Variants in CAMKK1 observed in about 807,000 individuals in gnomAD.
CAMKK1 encodes calcium/calmodulin-dependent protein kinase kinase 1.
In CAMKK1, 20 loss-of-function variants were observed where a neutral mutation model predicts 63.5. The ratio of observed to expected loss-of-function variants is 0.32; its 90% confidence interval spans 0.22 to 0.46. CAMKK1 has a LOEUF of 0.46. Among genes scored for constraint, CAMKK1 ranks in the 20% least tolerant of loss-of-function variants. CAMKK1 has a pLI of 1.00. For synonymous variants in CAMKK1, 253 were observed against 269.0 expected (o/e 0.94, Z 0.58); for missense variants, 588 against 658.1 (o/e 0.89, Z 1.17).
In CAMKK1 at chr17:3,887,203, C is replaced by G. The variant is rs1032449497; in HGVS notation, c.-43-1473G>C. 2.0e-5 allele frequency among the ~76,000 whole-genome samples: 3 copies of G among 152,144 alleles called. No homozygotes were observed. Among genetic ancestry groups the G allele is most frequent in the African/African-American group, 7.2e-5 (3 of 41,432 alleles). Reference sequence around the variant, plus strand: ...TTCCCGACTCTGAGCCCCAGTCTCCCGACTTGTCCTGTGGATTCCCTGCCT... The same window carrying G: ...TTCCCGACTCTGAGCCCCAGTCTCCGGACTTGTCCTGTGGATTCCCTGCCT... On this transcript the variant is annotated intron_variant, in intron 1 of 15. Coordinates refer to ENST00000348335, the MANE Select transcript of CAMKK1 (RefSeq NM_032294.3). This position sits in a 1 kb window ranked among gnomAD's most constrained non-coding sequence, Gnocchi z 6.1.
At position 3,885,515 on chromosome 17, in the gene CAMKK1, GTAC is replaced by G. The variant is rs1209065097; in HGVS notation, c.170_172del (p.Ser57del). 13 of 1,613,790 alleles carry G rather than the reference GTAC, an allele frequency of 8.1e-6. No homozygotes were observed. In the East Asian group the frequency reaches 2.9e-4, roughly 36 times the overall value. ...AGGCCGGGCTGGGAGCAGTCTTGAA[GTAC>G]TGCCAGGGATCACAGAGGCAGCTCT... On this transcript the variant is annotated inframe_deletion, in exon 2 of 16. Coordinates refer to ENST00000348335, the MANE Select transcript of CAMKK1 (RefSeq NM_032294.3).
Position 3,883,185 on chromosome 17 carries a change from G to C in CAMKK1, c.515-10C>G, listed in dbSNP as rs1410592090. The C allele has an allele frequency of 6.2e-7, 1 of 1,608,696 alleles. No homozygotes were observed. Among genetic ancestry groups the C allele is most frequent in the Non-Finnish European group, 8.5e-7 (1 of 1,179,902 alleles). ...CTCGGGGGAGGGCGACCTGTGACCA[G>C]GAAGAGAACTCAAACACCTGTTCCA... On this transcript the variant is annotated splice_polypyrimidine_tract_variant and intron_variant, in intron 5 of 15. Transcript: ENST00000348335. The surrounding 1 kb of genome is among the most constrained non-coding windows in gnomAD (Gnocchi z 4.7).
chr17:3,880,204 C>T (rs1567628327), intron 9 of CAMKK1, 142 bp downstream of exon 9: 2 of 685,950 alleles, frequency 2.9e-6, no homozygotes, highest in South Asian at 1.7e-5. Flanking sequence ...CCCCGCCACA[C>T]GTGCATGCCC....
intron 14 of CAMKK1, among the ~76,000 whole-genome samples, chr17:3,866,351 G>A (rs2054523069): frequency 6.6e-6 from 1 of 152,266 alleles, no homozygotes; most frequent in Non-Finnish European, 1.5e-5. Context: ...GCCATGGAGG[G>A]ATGCTGTGCC....
At chr17:3,888,039 C>T (rs754644080) in intron 1 of CAMKK1, among the ~76,000 whole-genome samples, 2 of 152,204 alleles carry the variant, frequency 1.3e-5, no homozygotes, top group Admixed American at 1.3e-4. Context: ...ATCGTTACAG[C>T]CCTGTCCCCA....
chr17:3,871,409 C>CAGT (rs2054863601), intron 12 of CAMKK1, among the ~76,000 whole-genome samples: 1 of 125,890 alleles, frequency 7.9e-6, no homozygotes, highest in South Asian at 2.6e-4. Context: ...GGCTGGAGTG[C>CAGT]AGTAGCACGG....
rs1567613122 is a variant in CAMKK1 at position 3,868,110 on chromosome 17, CCGTCT to C, written c.1341+1372_1341+1376del. On this transcript the variant is annotated intron_variant, in intron 14 of 15. Coordinates refer to ENST00000348335, the MANE Select transcript of CAMKK1 (RefSeq NM_032294.3). ...GTGGGCTCTGGGGGAGAAGCAGGCG[CCGTCT>C]AACTGATACGTGGGCTCTGGGGGAG... Among the ~76,000 whole-genome samples, 5 of 73,634 alleles carry C rather than the reference CCGTCT, an allele frequency of 6.8e-5. 2 individuals carry two copies. The highest frequency in any genetic ancestry group is 7.4e-5 in the Non-Finnish European group (3 of 40,590). 48.3% of individuals were successfully genotyped at this position (73,634 alleles called of 152,430 possible).
chr17:3,861,788 G>A lies in CAMKK1; in HGVS notation c.*423C>T. The A allele has an allele frequency of 4.5e-6, 1 of 220,448 alleles. No homozygotes were observed. Among genetic ancestry groups the A allele is most frequent in the South Asian group, 7.3e-5 (1 of 13,776 alleles). The allele number at this position is 220,448 out of a possible 1,614,324, so 13.7% of individuals were successfully genotyped here. A position where few individuals can be genotyped will look rare whatever the true frequency, so the allele number is the denominator to read the frequency against. On this transcript the variant is annotated 3_prime_UTR_variant, in exon 16 of 16. Transcript: ENST00000348335. ...ACCCCCCTCTCCACCATATGCCTGT[G>A]GCAGCTGAGCCAGGCCTGCCCGGCC...
rs369445452 is a variant in CAMKK1 at position 3,885,431 on chromosome 17, G to A, written c.257C>T (p.Ala86Val). The A allele has an allele frequency of 2.0e-5, 32 of 1,612,846 alleles. No individual in the cohort carries two copies. The highest frequency in any genetic ancestry group is 6.7e-5 in the African/African-American group (5 of 75,038). ...QERPAGSYLE[A>V]QAGPYATGPA... ...CCCCGTGGCATAAGGCCCAGCCTGC[G>A]CCTCCAGATAGCTTCCTGCTGGCCG... Residue 86 changes from alanine (A) to valine (V), a missense_variant, in exon 2 of 16, where the codon GCG becomes GTG. By Grantham distance (64) the Ala-to-Val change is moderately conservative. This residue lies in a region of CAMKK1 where 357 missense variants were observed against 407.4 expected (regional missense o/e 0.88). Transcript: ENST00000348335.
At chr17:3,872,680 C>A in intron 11 of CAMKK1, 53 bp from the exon 12 acceptor site, 3 of 1,510,158 alleles carry the variant, frequency 2.0e-6, no homozygotes, top group Non-Finnish European at 2.8e-6. Context: ...TCGACCTGTG[C>A]CAGGGGATCA....
chr17:3,869,438 G>A (rs768554488), intron 14 of CAMKK1, 49 bp downstream of exon 14: 1 of 1,610,866 alleles, frequency 6.2e-7, no homozygotes, highest in East Asian at 2.2e-5. Context: ...CAAGGCTCAG[G>A]TCCCCCAGGC....
chr17:3,866,047 C>T (rs1462985847), intron 14 of CAMKK1, 36 bp from the exon 15 acceptor site: 1 of 1,607,122 alleles, frequency 6.2e-7, no homozygotes, highest in Non-Finnish European at 8.5e-7. Flanking sequence ...AGCACAGGTC[C>T]CAGGCTCCCA....
rs891234236 is a variant in CAMKK1 at position 3,879,813 on chromosome 17, C to G, written c.796+533G>C. ...CCTGCCTAGATTCCTGTCCCTCCCA[C>G]TAGGCCGTGAACTCGGGTCTGGGTC... On this transcript the variant is annotated intron_variant, in intron 9 of 15. Coordinates refer to ENST00000348335, the MANE Select transcript of CAMKK1 (RefSeq NM_032294.3). The surrounding 1 kb of genome is among the most constrained non-coding windows in gnomAD (Gnocchi z 4.5). 2 of 154,276 alleles carry G rather than the reference C, an allele frequency of 1.3e-5. No individual in the cohort carries two copies. Among genetic ancestry groups the G allele is most frequent in the South Asian group, 4.0e-4 (2 of 5,036 alleles). The allele number at this position is 154,276 out of a possible 1,614,324, so 9.6% of individuals were successfully genotyped here.
At chr17:3,876,803 G>C (rs1330172485) in intron 9 of CAMKK1, among the ~76,000 whole-genome samples, 2 of 149,800 alleles carry the variant, frequency 1.3e-5, no homozygotes, top group African/African-American at 4.9e-5. Context: ...TGTCCCCCAG[G>C]CTGGAGTGCA....
At chr17:3,871,297 T>C (rs2054834859) in intron 12 of CAMKK1, among the ~76,000 whole-genome samples, 1 of 149,548 alleles carries the variant, frequency 6.7e-6, no homozygotes, top group Admixed American at 6.7e-5. Flanking sequence ...TGAGTACAAG[T>C]CCCGTTTCAT....
At position 3,887,332 on chromosome 17, in the gene CAMKK1, G is replaced by A. The variant is rs1309330769; in HGVS notation, c.-43-1602C>T. ...TACGCAGTGTGTTGAATGAGTAGAA[G>A]CCTGGAGGCGGTGGGGCTGGTGCTG... is the stretch of plus-strand genomic sequence containing the variant. On this transcript the variant is annotated intron_variant, in intron 1 of 15. Transcript: ENST00000348335. This position sits in a 1 kb window ranked among gnomAD's most constrained non-coding sequence, Gnocchi z 6.1. Among the ~76,000 whole-genome samples the A allele has an allele frequency of 1.3e-5, 2 of 152,226 alleles. No homozygotes were observed. Among genetic ancestry groups the A allele is most frequent in the Non-Finnish European group, 2.9e-5 (2 of 68,034 alleles).
chr17:3,881,320 C>T (rs1452814854), intron 8 of CAMKK1, among the ~76,000 whole-genome samples: 2 of 152,220 alleles, frequency 1.3e-5, no homozygotes, highest in African/African-American at 4.8e-5. Context: ...TGAGTCCCAC[C>T]TCTATATACT....
At position 3,884,529 on chromosome 17, in the gene CAMKK1, T is replaced by C. The variant is rs1388827238; in HGVS notation, c.361-102A>G. On this transcript the variant is annotated intron_variant, in intron 2 of 15. Transcript: ENST00000348335. The surrounding 1 kb of genome is among the most constrained non-coding windows in gnomAD (Gnocchi z 4.5). ...TCCAATTCTGGCCATAAGCTCCTCA[T>C]TCCCGGACCCCCAGGTCTCACCAAG... 1 of 1,060,642 alleles carries C rather than the reference T, an allele frequency of 9.4e-7. No homozygotes were observed. Among genetic ancestry groups the C allele is most frequent in the Non-Finnish European group, 1.4e-6 (1 of 725,572 alleles). 65.7% of individuals were successfully genotyped at this position (1,060,642 alleles called of 1,614,324 possible).
chr17:3,867,383 G>C (rs544586823), intron 14 of CAMKK1, among the ~76,000 whole-genome samples: 55 of 152,316 alleles, frequency 3.6e-4, no homozygotes, highest in African/African-American at 8.7e-4. Context: ...CAGGGCGGGT[G>C]GTGGGGCACA....
Sources: allele counts gnomAD v4.1 joint callset (sites outside exome capture counted in the v4.1 genomes callset), GRCh38; gene constraint gnomAD v4.1.1; regional missense constraint gnomAD v4.1.1; non-coding constraint Gnocchi (gnomAD v3.1); transcripts MANE v1.5; gene names NCBI Gene and HGNC (gene_info 2026-07-23, HGNC 2026-07-21).